SCN8A: variants seen among roughly 807,000 people sequenced by gnomAD.
SCN8A encodes sodium voltage-gated channel alpha subunit 8.
A neutral mutation model predicts 184.1 loss-of-function variants in SCN8A; 30 were observed. The observed-to-expected ratio is 0.16, with a 90% confidence interval of 0.12 to 0.22. The LOEUF is 0.22. Among genes scored for constraint, SCN8A ranks in the 10% least tolerant of loss-of-function variants. The pLI is 1.00. For synonymous variants in SCN8A, 852 were observed against 907.0 expected (o/e 0.94, Z 1.09); for missense variants, 1,057 against 2,498.9 (o/e 0.42, Z 12.30).
intron 19 of SCN8A, among the ~76,000 whole-genome samples, chr12:51,773,838 G>A (rs1353456955): frequency 1.3e-5 from 2 of 152,122 alleles, no homozygotes; most frequent in East Asian, 1.9e-4. Flanking sequence ...AGAGAAAGTA[G>A]GTGAGTGGCT....
chr12:51,807,694 A>G lies in SCN8A; in HGVS notation c.*265A>G, dbSNP rs1938752639. On this transcript the variant is annotated 3_prime_UTR_variant, in exon 27 of 27. Transcript: ENST00000627620. The surrounding 1 kb of genome is among the most constrained non-coding windows in gnomAD (Gnocchi z 4.5). Reference sequence around the variant, plus strand: ...TGTTCCACATCAGTCAATGCAACTTAGGACAAAACTAACCAGATACAGAAA... The same window carrying G: ...TGTTCCACATCAGTCAATGCAACTTGGGACAAAACTAACCAGATACAGAAA... 1 of 500,124 alleles carries G rather than the reference A, an allele frequency of 2.0e-6. No homozygotes were observed. 31.0% of individuals were successfully genotyped at this position (500,124 alleles called of 1,614,324 possible). A position where few individuals can be genotyped will look rare whatever the true frequency, so the allele number is the denominator to read the frequency against.
intron 1 of SCN8A, among the ~76,000 whole-genome samples, chr12:51,605,639 T>C (rs1453246335): frequency 1.3e-5 from 2 of 152,192 alleles, no homozygotes; most frequent in Admixed American, 6.5e-5. Flanking sequence ...CAAATGGTAG[T>C]TCTACTTTTA....
chr12:51,794,769 C>T, intron 26 of SCN8A, 128 bp downstream of exon 26: 2 of 881,248 alleles, frequency 2.3e-6, no homozygotes, highest in South Asian at 1.8e-5. Flanking sequence ...AGCTTAAGTC[C>T]ATGTGTGCCC....
chr12:51,712,132 A>C (rs1431632603), intron 11 of SCN8A, among the ~76,000 whole-genome samples: 2 of 152,204 alleles, frequency 1.3e-5, no homozygotes, highest in African/African-American at 2.4e-5. Flanking sequence ...CACAATTTAC[A>C]GGGCAATATA....
At chr12:51,714,233 CAGTT>C (rs891121693) in intron 11 of SCN8A, among the ~76,000 whole-genome samples, 1 of 152,182 alleles carries the variant, frequency 6.6e-6, no homozygotes, top group African/African-American at 2.4e-5. Flanking sequence ...ATTATTTAAA[CAGTT>C]AGTTGTGACG....
At chr12:51,788,127 A>G (rs930519539) in intron 22 of SCN8A, among the ~76,000 whole-genome samples, 1 of 152,194 alleles carries the variant, frequency 6.6e-6, no homozygotes, top group East Asian at 1.9e-4. Flanking sequence ...CAGTCTAGAT[A>G]TAGTAGACTG....
intron 12 of SCN8A, among the ~76,000 whole-genome samples, chr12:51,741,205 TG>T (rs1942416758): frequency 6.6e-6 from 1 of 152,250 alleles, no homozygotes; most frequent in South Asian, 2.1e-4. Flanking sequence ...TTTATCATTA[TG>T]TACTAGCGAT....
At chr12:51,771,209 A>G (rs1031599709) in intron 19 of SCN8A, among the ~76,000 whole-genome samples, 1 of 152,222 alleles carries the variant, frequency 6.6e-6, no homozygotes, top group Non-Finnish European at 1.5e-5. Flanking sequence ...GAGACTAATT[A>G]TCTTGGCATT....
chr12:51,636,143 C>T (rs1366344629), intron 1 of SCN8A, among the ~76,000 whole-genome samples: 2 of 152,124 alleles, frequency 1.3e-5, no homozygotes, highest in African/African-American at 2.4e-5. Context: ...TACAGGAACC[C>T]GCCACCACGC....
rs1272841436 is a variant in SCN8A, at chr12:51,810,398, G to C, written c.*2969G>C. ...AGCAGTTTACACCCGCAGTTAACAG[G>C]CATCGAACTGAAAGAATCAGTGATG... On this transcript the variant is annotated 3_prime_UTR_variant, in exon 27 of 27. Coordinates refer to ENST00000627620, the MANE Select transcript of SCN8A (RefSeq NM_001330260.2). 2.2e-6 allele frequency: 1 copy of C among 452,960 alleles called. No individual in the cohort carries two copies. The highest frequency in any genetic ancestry group is 4.4e-6 in the Non-Finnish European group (1 of 225,576). 28.1% of individuals were successfully genotyped at this position (452,960 alleles called of 1,614,324 possible). A position where few individuals can be genotyped will look rare whatever the true frequency, so the allele number is the denominator to read the frequency against.
chr12:51,681,937 T>A (rs1468174804), intron 2 of SCN8A, among the ~76,000 whole-genome samples: 1 of 151,992 alleles, frequency 6.6e-6, no homozygotes, highest in Non-Finnish European at 1.5e-5. Flanking sequence ...AAAGCCTAAT[T>A]GTAGGGGATG....
intron 22 of SCN8A, 190 bp from the exon 23 acceptor site, chr12:51,788,505 T>C: frequency 2.6e-6 from 1 of 391,914 alleles, no homozygotes; most frequent in Admixed American, 4.2e-5. Context: ...CAAACTTTGT[T>C]GTTATTTTCA....
intron 2 of SCN8A, among the ~76,000 whole-genome samples, chr12:51,675,261 C>T (rs375763055): frequency 3.3e-5 from 5 of 152,154 alleles, no homozygotes; most frequent in South Asian, 2.1e-4. Context: ...CTGCTCTGCC[C>T]GGTATGGCTT....
intron 6 of SCN8A, chr12:51,689,343 A>T (rs918132907): frequency 6.8e-6 from 3 of 444,028 alleles, no homozygotes; most frequent in African/African-American, 5.9e-5. Context: ...AATCACTTGG[A>T]TCTCACCATA....
At chr12:51,719,669 T>A (rs1942016767) in intron 11 of SCN8A, among the ~76,000 whole-genome samples, 2 of 104,000 alleles carry the variant, frequency 1.9e-5, no homozygotes, top group African/African-American at 7.9e-5. Context: ...AATTCAGGGG[T>A]GAGCAGTAAA....
At chr12:51,643,375 T>C (rs1287438599) in intron 1 of SCN8A, among the ~76,000 whole-genome samples, 2 of 152,224 alleles carry the variant, frequency 1.3e-5, no homozygotes, top group African/African-American at 4.8e-5. Flanking sequence ...TAGGTTGTTA[T>C]GAAGATTAAA....
intron 1 of SCN8A, among the ~76,000 whole-genome samples, chr12:51,634,650 A>T (rs1389987648): frequency 5.4e-5 from 3 of 55,284 alleles, no homozygotes; most frequent in Admixed American, 2.7e-4. Flanking sequence ...TATTATTATT[A>T]TTATTATTTT....
intron 1 of SCN8A, among the ~76,000 whole-genome samples, chr12:51,645,959 A>T (rs1940577839): frequency 8.9e-6 from 1 of 112,920 alleles, no homozygotes; most frequent in African/African-American, 4.3e-5. Flanking sequence ...TTAAAAAAAA[A>T]AAAAAATAAT....
chr12:51,807,420 C>A lies in SCN8A; in HGVS notation c.5934C>A (p.Ser1978=). 6.2e-7 allele frequency: 1 copy of A among 1,608,564 alleles called. No individual in the cohort carries two copies. The highest frequency in any genetic ancestry group is 8.5e-7 in the Non-Finnish European group (1 of 1,177,122). The change falls in exon 27 of 27, where the codon TCC becomes TCA. Residue 1978 remains serine, a synonymous_variant. Transcript: ENST00000627620. This position sits in a 1 kb window ranked among gnomAD's most constrained non-coding sequence, Gnocchi z 4.5. ...AAAGACAAAAAGAGGTCAGAGAATC[C>A]AAGTGTTAGAGGAGAACAAAAATTC... ...RAKRQKEVRE[S]KC
Sources: gnomAD v4.1 joint callset for allele counts (sites outside exome capture counted in the v4.1 genomes callset) on GRCh38, gnomAD v4.1.1 for gene constraint, Gnocchi (gnomAD v3.1) non-coding constraint, MANE v1.5 for transcripts, NCBI Gene and HGNC (gene_info 2026-07-23, HGNC 2026-07-21) for gene names.